Variants in KANK4 observed in about 807,000 individuals in gnomAD.
KANK4 encodes the protein KN motif and ankyrin repeat domains 4, also known as KN motif and ankyrin repeat domain-containing protein 4.
KANK4 carries 50 observed loss-of-function variants against 80.8 expected under a neutral mutation model. The ratio of observed to expected loss-of-function variants is 0.62; its 90% confidence interval spans 0.49 to 0.78. The LOEUF is 0.78. Among genes scored for constraint, KANK4 ranks in the 30% least tolerant of loss-of-function variants. The pLI, the probability that KANK4 is intolerant of heterozygous loss-of-function variation, is 0.00. For synonymous variants in KANK4, 465 were observed against 506.9 expected (o/e 0.92, Z 1.11); for missense variants, 1,196 against 1,240.1 (o/e 0.96, Z 0.53).
At chr1:62,251,383 A>G (rs1671613834) in intron 8 of KANK4, among the ~76,000 whole-genome samples, 1 of 152,342 alleles carries the variant, frequency 6.6e-6, no homozygotes, top group East Asian at 1.9e-4. Context: ...GTGGGGTAAA[A>G]GCCCAGACTC....
At chr1:62,267,792 A>G (rs753042798) in intron 5 of KANK4, among the ~76,000 whole-genome samples, 3 of 124,592 alleles carry the variant, frequency 2.4e-5, no homozygotes, top group Non-Finnish European at 4.9e-5. Flanking sequence ...ACAGTGCAAG[A>G]CTCCGTCTCA....
chr1:62,266,055 C>A (rs1672010459), intron 6 of KANK4, among the ~76,000 whole-genome samples: 1 of 152,186 alleles, frequency 6.6e-6, no homozygotes, highest in Non-Finnish European at 1.5e-5. Flanking sequence ...ATTCTACATG[C>A]TTTTCACACT....
At chr1:62,283,604 C>T (rs1672498906) in intron 1 of KANK4, among the ~76,000 whole-genome samples, 2 of 152,144 alleles carry the variant, frequency 1.3e-5, no homozygotes, top group South Asian at 4.1e-4. Flanking sequence ...CTGCCTCTCC[C>T]ACAGTAAACA....
intron 1 of KANK4, among the ~76,000 whole-genome samples, chr1:62,285,819 A>G (rs1672552254): frequency 6.6e-6 from 1 of 151,944 alleles, no homozygotes; most frequent in South Asian, 2.1e-4. Flanking sequence ...CCTTGGACTG[A>G]TCATGCCAAG....
intron 7 of KANK4, among the ~76,000 whole-genome samples, chr1:62,258,237 A>G (rs1671795297): frequency 6.6e-6 from 1 of 152,188 alleles, no homozygotes; most frequent in Non-Finnish European, 1.5e-5. Context: ...GTATATGTAT[A>G]TCACACTAAG....
At chr1:62,295,557 T>C (rs951305239) in intron 1 of KANK4, among the ~76,000 whole-genome samples, 2 of 152,226 alleles carry the variant, frequency 1.3e-5, no homozygotes, top group African/African-American at 4.8e-5. Flanking sequence ...AGTCCACTGA[T>C]TATCTACTGT....
intron 1 of KANK4, among the ~76,000 whole-genome samples, chr1:62,303,006 A>G (rs1022043613): frequency 6.6e-6 from 1 of 152,066 alleles, no homozygotes; most frequent in Admixed American, 6.5e-5. Context: ...AAAGATGGAG[A>G]AAAACAGCAA....
At chr1:62,304,586 A>C (rs959444659) in intron 1 of KANK4, among the ~76,000 whole-genome samples, 1 of 151,616 alleles carries the variant, frequency 6.6e-6, no homozygotes, top group African/African-American at 2.4e-5. Flanking sequence ...TGACCTCCAA[A>C]CTGCCCCACC....
At chr1:62,311,298 C>T (rs1644496349) in intron 1 of KANK4, among the ~76,000 whole-genome samples, 1 of 43,796 alleles carries the variant, frequency 2.3e-5, no homozygotes, top group Non-Finnish European at 4.6e-5. Flanking sequence ...CTCACCAATA[C>T]AACGGGAATG....
chr1:62,253,123 T>G lies in KANK4; in HGVS notation c.2626A>C (p.Met876Leu). The change falls in exon 8 of 10, where the codon ATG becomes CTG. Residue 876 changes from methionine to leucine, a missense_variant. By Grantham distance (15) the Met-to-Leu change is conservative (BLOSUM62 2). Around this residue, in one of 3 missense-constraint regions of KANK4, gnomAD observed 1,154 missense variants for 1,179.6 expected, o/e 0.98. Coordinates refer to ENST00000371153, the MANE Select transcript of KANK4 (RefSeq NM_181712.5). Reference protein sequence around the residue: ...PLASAETNEDMAVVWKLLREG... With the variant: ...PLASAETNEDLAVVWKLLREG... Reference sequence around the variant, plus strand: ...CTTAAGAGCTTCCAGACAACAGCCATGTCTTCATTGGTCTCTGCGGAAGCC... The same window carrying G: ...CTTAAGAGCTTCCAGACAACAGCCAGGTCTTCATTGGTCTCTGCGGAAGCC... The G allele has an allele frequency of 6.2e-7, 1 of 1,614,026 alleles. No homozygotes were observed. Among genetic ancestry groups the G allele is most frequent in the Non-Finnish European group, 8.5e-7 (1 of 1,179,958 alleles).
chr1:62,316,729 T>C (rs1157644840), intron 1 of KANK4, among the ~76,000 whole-genome samples: 2 of 152,138 alleles, frequency 1.3e-5, no homozygotes, highest in Non-Finnish European at 2.9e-5. Context: ...CCTCCCCATA[T>C]AAAAAAGTTA....
At chr1:62,242,819 G>A (rs1177683666) in intron 9 of KANK4, among the ~76,000 whole-genome samples, 1 of 152,126 alleles carries the variant, frequency 6.6e-6, no homozygotes, top group Non-Finnish European at 1.5e-5. Flanking sequence ...TGATATGGTG[G>A]GTATGATAAG....
chr1:62,271,732 A>G, intron 3 of KANK4, 143 bp from the exon 4 acceptor site: 1 of 616,720 alleles, frequency 1.6e-6, no homozygotes, highest in East Asian at 2.8e-5. Flanking sequence ...ATGTAAATCA[A>G]TGTTTTGGGG....
chr1:62,280,973 TCCTTGTGTTG>T (rs1252161796), intron 2 of KANK4, among the ~76,000 whole-genome samples: 1 of 152,152 alleles, frequency 6.6e-6, no homozygotes, highest in Non-Finnish European at 1.5e-5. Context: ...AGTCAGTCTG[TCCTTGTGTTG>T]TGCTTGAACT....
At chr1:62,244,218 C>T (rs1320761904) in intron 9 of KANK4, among the ~76,000 whole-genome samples, 1 of 149,550 alleles carries the variant, frequency 6.7e-6, no homozygotes, top group Non-Finnish European at 1.5e-5. Flanking sequence ...TTTTTTGAGA[C>T]AGGGTCTCAC....
chr1:62,268,239 G>T, intron 5 of KANK4, 48 bp downstream of exon 5: 1 of 1,466,890 alleles, frequency 6.8e-7, no homozygotes. Context: ...ATATGCCCTT[G>T]ACCTTTTTCA....
Position 62,247,530 on chromosome 1 carries a change from AC to A in KANK4, c.2824del (p.Val942TrpfsTer17). On this transcript the variant is annotated frameshift_variant, in exon 9 of 10. Transcript: ENST00000371153. LOFTEE classifies it high-confidence loss of function. ...ALMVACHHGN[V>X]DLVRLLLAHP... ...TGCCAGGAGCAGCCGCACCAGGTCC[AC>A]GTTGCCATGGTGACAGGCCACCATG... The A allele has an allele frequency of 6.2e-7, 1 of 1,614,072 alleles. No homozygotes were observed.
chr1:62,301,675 C>T (rs6675627), intron 1 of KANK4, among the ~76,000 whole-genome samples: 112,316 of 151,748 alleles, frequency 0.74, 42,833 homozygotes, highest in African/African-American at 0.92. Context: ...GCCAGCCCAG[C>T]GTCCAAATAG....
chr1:62,260,560 A>T (rs1469183905), intron 7 of KANK4, among the ~76,000 whole-genome samples: 3 of 151,830 alleles, frequency 2.0e-5, no homozygotes, highest in Non-Finnish European at 2.9e-5. Flanking sequence ...CAGCCAAGAC[A>T]CCCCATCGCT....
Sources: gnomAD v4.1 joint callset for allele counts (sites outside exome capture counted in the v4.1 genomes callset) on GRCh38, gnomAD v4.1.1 for gene constraint, gnomAD v4.1.1 regional missense constraint, MANE v1.5 for transcripts, NCBI Gene and HGNC (gene_info 2026-07-23, HGNC 2026-07-21) for gene names.